Variants in LRRC74B observed in about 807,000 individuals in gnomAD.
The protein encoded by LRRC74B is leucine-rich repeat-containing protein 74B.
Under a neutral mutation model 16.6 loss-of-function variants are expected in LRRC74B, and 30 were observed. The ratio of observed to expected loss-of-function variants is 1.80; its 90% CI spans 1.35 to 2.45. The LOEUF (loss-of-function observed/expected upper bound fraction) is 2.45, where lower values mean the gene tolerates loss of function less well. LRRC74B is among the 30% of genes most tolerant of loss of function. LRRC74B has a pLI of 0.00. For synonymous variants in LRRC74B, 134 were observed against 86.0 expected, an observed-to-expected ratio of 1.56 and a Z score of -3.09; for missense variants, 326 against 202.4, an observed-to-expected ratio of 1.61 and a Z score of -3.71.
Position 21,048,375 on chromosome 22 carries a change from T to G in LRRC74B, c.415+359T>G, listed in dbSNP as rs1929669692. ...CATTGTAAGAAGCAGGTAGGCAATG[T>G]GGGAGTTTGATGGGGCTGGATCCAA... is the stretch of plus-strand genomic sequence containing the variant. On this transcript the variant is annotated intron_variant, in intron 3 of 8. Coordinates refer to ENST00000442047, the Ensembl canonical transcript of LRRC74B. 5 of 288,580 alleles carry G rather than the reference T, an allele frequency of 1.7e-5. No individual in the cohort carries two copies. The South Asian group carries it at 2.2e-4, about 12-fold the overall frequency. 17.9% of individuals were successfully genotyped at this position (288,580 alleles called of 1,614,324 possible).
chr22:21,052,957 C>T (rs904524028), intron 5 of LRRC74B, among the ~76,000 whole-genome samples: 6 of 152,222 alleles, frequency 3.9e-5, no homozygotes, highest in African/African-American at 1.4e-4. Context: ...CTACCCTTCT[C>T]CCCATCACAG....
intron 3 of LRRC74B, chr22:21,048,316 G>A (rs1234095862): frequency 5.0e-6 from 2 of 399,076 alleles, no homozygotes; most frequent in African/African-American, 2.0e-5. Context: ...TGCAGGATGG[G>A]AGAGTCCTTC....
intron 7 of LRRC74B, 25 bp from the exon 8 acceptor site, chr22:21,057,080 G>A (rs115992444): frequency 1.4e-5 from 10 of 716,658 alleles, no homozygotes; most frequent in East Asian, 2.7e-5. Context: ...CTGGCTTCTC[G>A]CAGCTTTGTG....
intron 8 of LRRC74B, among the ~76,000 whole-genome samples, chr22:21,059,533 C>T (rs867392347): frequency 3.3e-5 from 5 of 152,242 alleles, no homozygotes; most frequent in Middle Eastern, 3.4e-3. Context: ...TGCATTCCAG[C>T]CTGGGTGACA....
At chr22:21,051,630 A>T (rs1315902856) in intron 4 of LRRC74B, among the ~76,000 whole-genome samples, 1 of 152,068 alleles carries the variant, frequency 6.6e-6, no homozygotes, top group Non-Finnish European at 1.5e-5. Flanking sequence ...CACTTGCTGA[A>T]ATGCTAATCC....
chr22:21,053,698 A>G (rs911175259), intron 6 of LRRC74B: 2 of 361,204 alleles, frequency 5.5e-6, no homozygotes, highest in Non-Finnish European at 9.9e-6. Flanking sequence ...ATCATGGCCC[A>G]CTGCAGCCTT....
chr22:21,047,909 T>G (rs1303512063), exon 3 of LRRC74B: 2 of 717,374 alleles, frequency 2.8e-6, no homozygotes, highest in Non-Finnish European at 5.2e-6. Flanking sequence ...GCTTCCTCAT[T>G]GAGCTCCAAT....
downstream of LRRC74B, chr22:21,063,020 G>A (rs1177807451): frequency 4.3e-5 from 6 of 140,014 alleles, no homozygotes; most frequent in Non-Finnish European, 9.1e-5. Context: ...GAGAGAGTGG[G>A]AACCTGTCTC....
At chr22:21,050,777 CAAAAAAAAAA>C (rs71188205) in intron 4 of LRRC74B, among the ~76,000 whole-genome samples, 14 of 104,136 alleles carry the variant, frequency 1.3e-4, no homozygotes, top group Non-Finnish European at 1.6e-4. Context: ...GACTCTGTCT[CAAAAAAAAAA>C]AAAAAAAAAA....
At chr22:21,046,908 A>G (rs1929489685) in intron 1 of LRRC74B, among the ~76,000 whole-genome samples, 2 of 151,962 alleles carry the variant, frequency 1.3e-5, no homozygotes, top group African/African-American at 2.4e-5. Context: ...CCTGGCCAAC[A>G]TGGTGAAACC....
In LRRC74B at chr22:21,058,951, A is replaced by G. The variant is rs568800221; in HGVS notation, c.1024-1422A>G. 2.6e-5 allele frequency among the ~76,000 whole-genome samples: 4 copies of G among 152,312 alleles called. No individual in the cohort carries two copies. The East Asian group carries it at 7.7e-4, about 29-fold the overall frequency. Reference sequence around the variant, plus strand: ...ATTCTGAGTCAAAGAATCATAAACGATCAATCAATAACAAGCCTGGGATGG... The same window carrying G: ...ATTCTGAGTCAAAGAATCATAAACGGTCAATCAATAACAAGCCTGGGATGG... On this transcript the variant is annotated intron_variant, in intron 8 of 8. Coordinates refer to ENST00000442047, the Ensembl canonical transcript of LRRC74B.
intron 8 of LRRC74B, among the ~76,000 whole-genome samples, chr22:21,058,964 A>T (rs537929631): frequency 3.3e-5 from 5 of 152,296 alleles, no homozygotes; most frequent in East Asian, 3.9e-4. Context: ...AATCAATAAC[A>T]AGCCTGGGAT....
intron 7 of LRRC74B, among the ~76,000 whole-genome samples, chr22:21,056,239 C>T (rs146844240): frequency 2.0e-5 from 3 of 152,326 alleles, no homozygotes; most frequent in African/African-American, 7.2e-5. Flanking sequence ...TGGTGGCTCA[C>T]GCCAATAATC....
intron 7 of LRRC74B, among the ~76,000 whole-genome samples, chr22:21,056,211 G>T (rs1158492694): frequency 6.6e-6 from 1 of 152,210 alleles, no homozygotes; most frequent in Non-Finnish European, 1.5e-5. Flanking sequence ...AGTGCATCAT[G>T]TCATGCGGAG....
At chr22:21,062,660 C>A (rs1930862618), downstream of LRRC74B, 1 of 146,614 alleles carries the variant, frequency 6.8e-6, no homozygotes, top group Admixed American at 7.1e-5. Context: ...TTGCAGTGAG[C>A]CAAGCTCACT....
At chr22:21,057,712 G>A (rs1372743694) in intron 8 of LRRC74B, among the ~76,000 whole-genome samples, 3 of 139,502 alleles carry the variant, frequency 2.2e-5, no homozygotes, top group Non-Finnish European at 4.6e-5. Flanking sequence ...CAAATTCCTT[G>A]GCTCAAGTGG....
intron 5 of LRRC74B, 28 bp from the exon 6 acceptor site, chr22:21,053,332 C>T (rs1164864062): frequency 2.8e-6 from 2 of 714,226 alleles, no homozygotes; most frequent in Non-Finnish European, 5.2e-6. Flanking sequence ...CAGATGGGGT[C>T]CCATGACTTC....
At chr22:21,057,887 ATTT>A (rs4051931) in intron 8 of LRRC74B, among the ~76,000 whole-genome samples, 1 of 122,084 alleles carries the variant, frequency 8.2e-6, no homozygotes, top group East Asian at 2.4e-4. Context: ...GTCAATTTTG[ATTT>A]TTTTTTTTTT....
chr22:21,046,842 A>C (rs972188845), intron 1 of LRRC74B, among the ~76,000 whole-genome samples: 4 of 152,058 alleles, frequency 2.6e-5, no homozygotes, highest in African/African-American at 9.7e-5. Context: ...CTGTAATCAC[A>C]GCACTTTGGG....
Sources: gnomAD v4.1 joint callset for allele counts (sites outside exome capture counted in the v4.1 genomes callset) on GRCh38, gnomAD v4.1.1 for gene constraint, MANE v1.5 for transcripts, NCBI Gene and HGNC (gene_info 2026-07-23, HGNC 2026-07-21) for gene names.